Variants in WDR91 observed in about 807,000 individuals in gnomAD.
WDR91 encodes WD repeat domain 91.
Under a neutral mutation model 88.4 loss-of-function variants are expected in WDR91, and 52 were observed. That is an observed-to-expected ratio of 0.59 (90% CI 0.47 to 0.74). The LOEUF (loss-of-function observed/expected upper bound fraction) is 0.74, where lower values mean the gene tolerates loss of function less well. Ranked by LOEUF, WDR91 falls within the 30% of genes least tolerant of loss-of-function variation. WDR91 has a pLI of 0.00. For synonymous variants in WDR91, 362 were observed against 389.5 expected, an observed-to-expected ratio of 0.93 and a Z score of 0.83; for missense variants, 824 against 954.5, an observed-to-expected ratio of 0.86 and a Z score of 1.80.
rs960396608 is a variant in WDR91 at position 135,196,086 on chromosome 7, G to A, written c.1244+58C>T. 1.4e-5 allele frequency: 20 copies of A among 1,444,242 alleles called. No homozygotes were observed. Among genetic ancestry groups the A allele is most frequent in the South Asian group, 7.4e-5 (5 of 67,462 alleles). 89.5% of individuals were successfully genotyped at this position (1,444,242 alleles called of 1,614,324 possible). A position where few individuals can be genotyped will look rare whatever the true frequency, so the allele number is the denominator to read the frequency against. ...CATCTCCTGCTGGCCACACCTCCACGTGTACTGCCTGAAAATCTGAGCTTC... is the reference window on the plus strand; with the variant it reads ...CATCTCCTGCTGGCCACACCTCCACATGTACTGCCTGAAAATCTGAGCTTC... On this transcript the variant is annotated intron_variant, in intron 8 of 14. Transcript: ENST00000354475. The surrounding 1 kb of genome is among the most constrained non-coding windows in gnomAD (Gnocchi z 4.2).
At chr7:135,203,397 T>C (rs896136272) in intron 6 of WDR91, among the ~76,000 whole-genome samples, 1 of 152,226 alleles carries the variant, frequency 6.6e-6, no homozygotes, top group African/African-American at 2.4e-5. Context: ...ACACTCAAAG[T>C]GTCCCTACGC....
At chr7:135,203,760 G>A (rs1831659232) in intron 6 of WDR91, among the ~76,000 whole-genome samples, 1 of 152,140 alleles carries the variant, frequency 6.6e-6, no homozygotes, top group Admixed American at 6.5e-5. Context: ...AGAAAAGAGG[G>A]GAGACTCTTC....
chr7:135,210,690 G>A, intron 1 of WDR91: 1 of 682,616 alleles, frequency 1.5e-6, no homozygotes, highest in East Asian at 2.7e-5. Context: ...ATTTGCTTTT[G>A]CCACTAAGTA....
In WDR91 at chr7:135,209,608, G is replaced by T; in HGVS notation, c.271C>A (p.Leu91Met). The change falls in exon 2 of 15, where the codon CTG (leucine) becomes ATG (methionine). Residue 91 changes from leucine to methionine, a missense_variant. Transcript: ENST00000354475. ...GTGTAGACAAGATAAAATCGAAACAGGCTGGTTTTCAGCTTGTGGATTGTG... is the reference window on the plus strand; with the variant it reads ...GTGTAGACAAGATAAAATCGAAACATGCTGGTTTTCAGCTTGTGGATTGTG... The part of the protein sequence containing the change: ...RPTIHKLKTS[L>M]FRFYLVYTIQ... The T allele has an allele frequency of 6.2e-7, 1 of 1,609,906 alleles. No homozygotes were observed. The highest frequency in any genetic ancestry group is 1.3e-5 in the African/African-American group (1 of 74,794).
At position 135,211,408 on chromosome 7, in the gene WDR91, A is replaced by G. The variant is rs761089917; in HGVS notation, c.95T>C (p.Ile32Thr). ...THTLRQLDAE[I>T]KADKEKGFRV... is the part of the protein sequence containing the mutation. The stretch of plus-strand genomic sequence containing the variant: ...GAACCCCTTCTCCTTGTCCGCCTTG[A>G]TCTCGGCGTCCAGCTGCCGCAGTGT... The change falls in exon 1 of 15, where the codon ATC becomes ACC. Residue 32 changes from isoleucine (I) to threonine (T), a missense_variant. Transcript: ENST00000354475. 1 of 1,611,584 alleles carries G rather than the reference A, an allele frequency of 6.2e-7. No individual in the cohort carries two copies.
intron 11 of WDR91, 100 bp downstream of exon 11, chr7:135,193,131 G>T: frequency 6.7e-7 from 1 of 1,490,688 alleles, no homozygotes; most frequent in Non-Finnish European, 9.0e-7. Flanking sequence ...TTAAAAATCT[G>T]AGGAGACCAA....
chr7:135,204,240 G>C (rs1306166082), intron 6 of WDR91, 28 bp downstream of exon 6: 3 of 1,610,608 alleles, frequency 1.9e-6, no homozygotes, highest in Admixed American at 3.3e-5. Flanking sequence ...TTCTTGGCCA[G>C]AGTTAGAGAG....
rs1465130320 is a variant in WDR91 at position 135,211,385 on chromosome 7, ACC to A, written c.116_117del (p.Gly39ValfsTer5). On this transcript the variant is annotated frameshift_variant, in exon 1 of 15. Transcript: ENST00000354475. LOFTEE classifies it high-confidence loss of function. ...CGCTCCCGCCGGCCTCTCACCCGGA[ACC>A]CCTTCTCCTTGTCCGCCTTGATCTC... Reference protein sequence around the residue: ...DAEIKADKEKGFRVDKIVDQL... With the variant: ...DAEIKADKEKXFRVDKIVDQL... 1.2e-6 allele frequency: 2 copies of A among 1,606,912 alleles called. No homozygotes were observed. The highest frequency in any genetic ancestry group is 1.7e-6 in the Non-Finnish European group (2 of 1,177,242).
At chr7:135,206,933 G>T in intron 4 of WDR91, 187 bp downstream of exon 4, 7 of 313,562 alleles carry the variant, frequency 2.2e-5, no homozygotes, top group East Asian at 7.5e-5. Flanking sequence ...TATGAATCTC[G>T]CCTCTGGTTT....
At position 135,204,248 on chromosome 7, in the gene WDR91, G is replaced by A; in HGVS notation, c.891+20C>T. On this transcript the variant is annotated intron_variant, in intron 6 of 14. Coordinates refer to ENST00000354475, the MANE Select transcript of WDR91 (RefSeq NM_014149.4). ...CACGGCCTTCTTGGCCAGAGTTAGAGAGGCAGGACTTGTGCTTACCTGACC... is the reference window on the plus strand; with the variant it reads ...CACGGCCTTCTTGGCCAGAGTTAGAAAGGCAGGACTTGTGCTTACCTGACC... 6.2e-7 allele frequency: 1 copy of A among 1,611,806 alleles called. No homozygotes were observed. Among genetic ancestry groups the A allele is most frequent in the Non-Finnish European group, 8.5e-7 (1 of 1,178,380 alleles).
At chr7:135,194,828 G>C in intron 9 of WDR91, 106 bp downstream of exon 9, 4 of 1,446,840 alleles carry the variant, frequency 2.8e-6, no homozygotes, top group East Asian at 2.3e-5. Context: ...ATAATGGAGA[G>C]AAGGGAGGGG....
intron 5 of WDR91, 61 bp downstream of exon 5, chr7:135,205,867 G>A: frequency 6.2e-7 from 1 of 1,607,494 alleles, no homozygotes; most frequent in African/African-American, 1.3e-5. Context: ...AGATCAGAGG[G>A]AACTGTGGGG....
intron 8 of WDR91, among the ~76,000 whole-genome samples, chr7:135,195,861 C>T (rs1213592465): frequency 1.5e-4 from 23 of 151,910 alleles, no homozygotes; most frequent in East Asian, 5.8e-4. Flanking sequence ...GCACGAGAAT[C>T]GCTTGAGCCT....
intron 9 of WDR91, 97 bp from the exon 10 acceptor site, chr7:135,193,769 G>GCCTCACCCCCACA: frequency 2.0e-6 from 2 of 1,003,668 alleles, no homozygotes; most frequent in Non-Finnish European, 3.1e-6. Context: ...AGGCTGTGGG[G>GCCTCACCCCCACA]GTGAGGCCCC....
At chr7:135,198,854 G>C (rs935529616) in intron 6 of WDR91, 1 of 152,190 alleles carries the variant, frequency 6.6e-6, no homozygotes, top group Non-Finnish European at 1.5e-5. Flanking sequence ...CCTGTATAGA[G>C]AGAAGAAGTC....
intron 14 of WDR91, 89 bp from the exon 15 acceptor site, chr7:135,186,404 C>G: frequency 1.4e-6 from 2 of 1,407,298 alleles, no homozygotes; most frequent in Non-Finnish European, 1.9e-6. Flanking sequence ...TGAGGATGTG[C>G]CTGAGGCCAG....
chr7:135,195,178 C>G (rs1296372856), intron 8 of WDR91, 94 bp from the exon 9 acceptor site: 2 of 1,375,820 alleles, frequency 1.5e-6, no homozygotes, highest in African/African-American at 2.9e-5. Flanking sequence ...GACTTCCTTA[C>G]TGTTTTAAAA....
Position 135,184,931 on chromosome 7 carries a change from G to C in WDR91, c.*1220C>G, listed in dbSNP as rs73444215. 1 of 151,580 alleles carries C rather than the reference G, an allele frequency of 6.6e-6. No homozygotes were observed. The highest frequency in any genetic ancestry group is 2.4e-5 in the African/African-American group (1 of 41,160). 9.4% of individuals were successfully genotyped at this position (151,580 alleles called of 1,614,324 possible). A position where few individuals can be genotyped will look rare whatever the true frequency, so the allele number is the denominator to read the frequency against. On this transcript the variant is annotated 3_prime_UTR_variant, in exon 15 of 15. Transcript: ENST00000354475. ...TTTTGAGTTGGGTTCTCCCAGTGGC[G>C]TGATCTCGGCTCACTGCAACCTCCG... is the stretch of plus-strand genomic sequence containing the variant.
intron 6 of WDR91, among the ~76,000 whole-genome samples, chr7:135,200,755 C>T (rs188013911): frequency 2.0e-5 from 3 of 152,340 alleles, no homozygotes; most frequent in Admixed American, 1.3e-4. Context: ...ACGGTAACCT[C>T]TGTCTTATCA....
Sources: gnomAD v4.1 joint callset for allele counts (sites outside exome capture counted in the v4.1 genomes callset) on GRCh38, gnomAD v4.1.1 for gene constraint, Gnocchi (gnomAD v3.1) non-coding constraint, MANE v1.5 for transcripts, NCBI Gene and HGNC (gene_info 2026-07-23, HGNC 2026-07-21) for gene names.